Variants in RUNDC3A observed in about 807,000 individuals in gnomAD.
RUNDC3A encodes the protein RUN domain containing 3A.
A neutral mutation model predicts 53.9 loss-of-function variants in RUNDC3A; 28 were observed. That is an observed-to-expected ratio of 0.52 (90% confidence interval 0.38 to 0.71). The LOEUF (loss-of-function observed/expected upper bound fraction) is 0.71, where lower values mean the gene tolerates loss of function less well. RUNDC3A is among the 30% of genes least tolerant of loss of function. The pLI, the probability that RUNDC3A is intolerant of heterozygous loss-of-function variation, is 0.00. For synonymous variants in RUNDC3A, 232 were observed against 249.4 expected, an observed-to-expected ratio of 0.93 and a Z score of 0.66; for missense variants, 491 against 597.3, an observed-to-expected ratio of 0.82 and a Z score of 1.85.
At chr17:44,311,006 G>T in intron 1 of RUNDC3A, 1 of 985,486 alleles carries the variant, frequency 1.0e-6, no homozygotes, top group Non-Finnish European at 1.2e-6. Context: ...CAACCAAAAT[G>T]TAATGAGGCA....
intron 1 of RUNDC3A, chr17:44,311,393 C>G (rs1327884275): frequency 2.7e-5 from 26 of 961,780 alleles, no homozygotes; most frequent in Non-Finnish European, 3.2e-5. Flanking sequence ...ACCTGCTTGA[C>G]TACTCATAAG....
intron 1 of RUNDC3A, among the ~76,000 whole-genome samples, 173 bp downstream of exon 1, chr17:44,309,112 T>A (rs1598320478): frequency 6.6e-6 from 1 of 152,052 alleles, no homozygotes; most frequent in Non-Finnish European, 1.5e-5. Flanking sequence ...TGCAGTCTGG[T>A]CCCTACCCTT....
chr17:44,312,979 G>C, intron 2 of RUNDC3A, 125 bp from the exon 3 acceptor site: 1 of 1,047,768 alleles, frequency 9.5e-7, no homozygotes, highest in Non-Finnish European at 1.4e-6. Context: ...CACTGCACAC[G>C]TGCATGTGTG....
In RUNDC3A at chr17:44,308,797, G is replaced by C. The variant is rs745483472; in HGVS notation, c.-36G>C. Reference sequence around the variant, plus strand: ...TTTGGGGCTCCGGGAGGGGTGGGGGGGCAGCGGGCGGCGGCAGCAGTGGCC... The same window carrying C: ...TTTGGGGCTCCGGGAGGGGTGGGGGCGCAGCGGGCGGCGGCAGCAGTGGCC... On this transcript the variant is annotated 5_prime_UTR_variant, in exon 1 of 11. Coordinates refer to ENST00000426726, the MANE Select transcript of RUNDC3A (RefSeq NM_001144825.2). 3.5e-6 allele frequency: 5 copies of C among 1,431,490 alleles called. No homozygotes were observed. The South Asian group carries it at 6.4e-5, about 18-fold the overall frequency. The allele number at this position is 1,431,490 out of a possible 1,614,324, so 88.7% of individuals were successfully genotyped here.
In RUNDC3A at chr17:44,313,122, C is replaced by A; in HGVS notation, c.242C>A (p.Pro81Gln). 1 of 1,614,042 alleles carries A rather than the reference C, an allele frequency of 6.2e-7. No individual in the cohort carries two copies. Among genetic ancestry groups the A allele is most frequent in the East Asian group, 2.2e-5 (1 of 44,878 alleles). ...HRFKACAPAG[P>Q]VSWFSSDGQR... ...GGCTCAGCCTGTGCCCCAGCAGGTC[C>A]AGTGAGCTGGTTCAGCTCAGACGGG... Residue 81 changes from proline (P) to glutamine (Q), a missense_variant, in exon 3 of 11, where the codon CCA (proline) becomes CAA (glutamine). Transcript: ENST00000426726.
chr17:44,312,143 C>T (rs866549633), intron 1 of RUNDC3A, among the ~76,000 whole-genome samples: 7 of 152,218 alleles, frequency 4.6e-5, no homozygotes, highest in Admixed American at 4.6e-4. Flanking sequence ...TCACAGAAGA[C>T]AGCTCAGGTG....
At chr17:44,313,524 C>G in intron 4 of RUNDC3A, 21 bp downstream of exon 4, 3 of 1,604,048 alleles carry the variant, frequency 1.9e-6, no homozygotes, top group Non-Finnish European at 2.6e-6. Flanking sequence ...CCAGGCAACT[C>G]AGACCACAGG....
rs1162587102 is a variant in RUNDC3A at position 44,315,601 on chromosome 17, G to A, written c.945G>A (p.Gln315=). Residue 315 remains glutamine, a synonymous_variant, in exon 8 of 11, where the codon CAG becomes CAA. Transcript: ENST00000426726. This position sits in a 1 kb window ranked among gnomAD's most constrained non-coding sequence, Gnocchi z 6.1. Reference sequence around the variant, plus strand: ...TGGAAGGCGTGATCCTGGAGCTGCAGGAGCAGCTGTGAGCGCACGGCCTGC... The same window carrying A: ...TGGAAGGCGTGATCCTGGAGCTGCAAGAGCAGCTGTGAGCGCACGGCCTGC... ...RELEGVILEL[Q]EQLTGLIPSD... 2.0e-6 allele frequency: 3 copies of A among 1,493,232 alleles called. No homozygotes were observed. The highest frequency in any genetic ancestry group is 2.7e-6 in the Non-Finnish European group (3 of 1,119,618). The allele number at this position is 1,493,232 out of a possible 1,614,324, so 92.5% of individuals were successfully genotyped here. A position where few individuals can be genotyped will look rare whatever the true frequency, so the allele number is the denominator to read the frequency against.
chr17:44,314,034 G>A, intron 4 of RUNDC3A: 1 of 991,942 alleles, frequency 1.0e-6, no homozygotes, highest in Non-Finnish European at 1.2e-6. Flanking sequence ...CCCATTATTT[G>A]CCATCAATGC....
At chr17:44,310,835 A>C in intron 1 of RUNDC3A, 1 of 985,514 alleles carries the variant, frequency 1.0e-6, no homozygotes, top group African/African-American at 1.7e-5. Flanking sequence ...TGACCAGGGG[A>C]AATCAAGCTG....
chr17:44,312,762 A>G (rs1416143663), intron 2 of RUNDC3A, 67 bp downstream of exon 2: 3 of 207,250 alleles, frequency 1.4e-5, no homozygotes, highest in Non-Finnish European at 2.1e-5. Context: ...TCCCTCCCCC[A>G]GCGCCCCTCC....
At chr17:44,310,740 A>G (rs997525976) in intron 1 of RUNDC3A, 2 of 985,310 alleles carry the variant, frequency 2.0e-6, no homozygotes, top group Non-Finnish European at 2.4e-6. Context: ...GGGGGCAATG[A>G]CCACCTCTGC....
rs1282293335 is a variant in RUNDC3A at position 44,315,701 on chromosome 17, C to T, written c.953+92C>T. The T allele has an allele frequency of 1.7e-6, 2 of 1,195,604 alleles. No individual in the cohort carries two copies. The highest frequency in any genetic ancestry group is 2.2e-6 in the Non-Finnish European group (2 of 918,654). 74.1% of individuals were successfully genotyped at this position (1,195,604 alleles called of 1,614,324 possible). On this transcript the variant is annotated intron_variant, in intron 8 of 10. Transcript: ENST00000426726. The surrounding 1 kb of genome is among the most constrained non-coding windows in gnomAD (Gnocchi z 6.1). ...TCTTCACTTCCATCGACTCTAACATCACCCGACACGAGCACCCACCTCTCC... is the reference window on the plus strand; with the variant it reads ...TCTTCACTTCCATCGACTCTAACATTACCCGACACGAGCACCCACCTCTCC...
In RUNDC3A at chr17:44,313,498, C is replaced by T. The variant is rs1466036096; in HGVS notation, c.453C>T (p.Thr151=). 2.5e-6 allele frequency: 4 copies of T among 1,608,310 alleles called. No individual in the cohort carries two copies. The highest frequency in any genetic ancestry group is 1.7e-5 in the Admixed American group (1 of 59,914). Residue 151 remains threonine, a synonymous_variant, in exon 4 of 11, where the codon ACC becomes ACT. Transcript: ENST00000426726. The part of the protein sequence containing the change: ...YITTALRDTR[T]TRRFYDSGAI... ...CCACGGCTCTGCGTGACACCCGGACCACCAGGTCAGACTTCCCAGGCAACT... is the reference window on the plus strand; with the variant it reads ...CCACGGCTCTGCGTGACACCCGGACTACCAGGTCAGACTTCCCAGGCAACT...
rs1284200771 is a variant in RUNDC3A at position 44,318,282 on chromosome 17, G to C, written c.*44G>C. 6.6e-7 allele frequency: 1 copy of C among 1,526,704 alleles called. No homozygotes were observed. The highest frequency in any genetic ancestry group is 8.9e-7 in the Non-Finnish European group (1 of 1,128,470). 94.6% of individuals were successfully genotyped at this position (1,526,704 alleles called of 1,614,324 possible). A position where few individuals can be genotyped will look rare whatever the true frequency, so the allele number is the denominator to read the frequency against. ...CCAGCCCCACCTGCCAGGGGCCATGGACACCTGCCACCTTTCTTCAACAAG... is the reference window on the plus strand; with the variant it reads ...CCAGCCCCACCTGCCAGGGGCCATGCACACCTGCCACCTTTCTTCAACAAG... On this transcript the variant is annotated 3_prime_UTR_variant, in exon 11 of 11. Transcript: ENST00000426726.
At chr17:44,313,636 G>T in intron 4 of RUNDC3A, 133 bp downstream of exon 4, 3 of 1,345,376 alleles carry the variant, frequency 2.2e-6, no homozygotes, top group Non-Finnish European at 2.9e-6. Context: ...ACACATGGCT[G>T]ATTTCCCTCT....
chr17:44,310,776 T>C (rs1436655547), intron 1 of RUNDC3A: 17 of 985,322 alleles, frequency 1.7e-5, no homozygotes, highest in African/African-American at 5.2e-5. Context: ...AGATACCATA[T>C]GGCTGCCATG....
At chr17:44,314,675 G>GT (rs1491447108) in intron 4 of RUNDC3A, 60 bp from the exon 5 acceptor site, 12 of 129,350 alleles carry the variant, frequency 9.3e-5, no homozygotes, top group East Asian at 5.4e-4. Context: ...TAGCAGCTCT[G>GT]GGGGGGGGGG....
intron 2 of RUNDC3A, 33 bp downstream of exon 2, chr17:44,312,728 C>T: frequency 1.0e-6 from 1 of 1,000,554 alleles, no homozygotes; most frequent in Non-Finnish European, 1.4e-6. Context: ...AGCGGTCCCT[C>T]CCCCAGCGCC....
Sources: allele counts gnomAD v4.1 joint callset (sites outside exome capture counted in the v4.1 genomes callset), GRCh38; gene constraint gnomAD v4.1.1; non-coding constraint Gnocchi (gnomAD v3.1); transcripts MANE v1.5; gene names NCBI Gene and HGNC (gene_info 2026-07-23, HGNC 2026-07-21).